The following LTBP1 variants were observed in gnomAD, a reference collection of about 807,000 sequenced individuals.
LTBP1 encodes the protein latent transforming growth factor beta binding protein 1, also known as latent-transforming growth factor beta-binding protein 1.
A neutral mutation model predicts 207.6 loss-of-function variants in LTBP1; 129 were observed. That is an observed-to-expected ratio of 0.62 (90% CI 0.54 to 0.72). LTBP1 has a LOEUF of 0.72. Among genes scored for constraint, LTBP1 ranks in the 30% least tolerant of loss-of-function variants. The probability of loss-of-function intolerance (pLI) is 0.00; values close to 1 mark genes in which losing one functional copy is unlikely to be tolerated. For missense variants in LTBP1, 2,281 were observed against 2,217.2 expected (o/e 1.03, Z -0.58); for synonymous variants, 963 against 833.7 (o/e 1.16, Z -2.67).
intron 5 of LTBP1, among the ~76,000 whole-genome samples, chr2:33,137,472 C>T (rs1026488093): frequency 1.3e-5 from 2 of 152,176 alleles, no homozygotes; most frequent in Non-Finnish European, 1.5e-5. Flanking sequence ...GTTTCTGTTA[C>T]AGCTACTCAA....
At chr2:33,360,483 T>C in intron 26 of LTBP1, 114 bp from the exon 27 acceptor site, 1 of 635,478 alleles carries the variant, frequency 1.6e-6, no homozygotes, top group South Asian at 2.4e-5. Context: ...AAGCATTTTC[T>C]ATAAAGCAAA....
At chr2:33,252,055 A>G (rs909391939) in intron 10 of LTBP1, among the ~76,000 whole-genome samples, 3 of 152,180 alleles carry the variant, frequency 2.0e-5, no homozygotes, top group Admixed American at 6.5e-5. Context: ...TGTTTTCCGA[A>G]GAGCTGAGCA....
chr2:33,037,174 TA>T (rs5830251), intron 3 of LTBP1, among the ~76,000 whole-genome samples: 37 of 151,988 alleles, frequency 2.4e-4, no homozygotes, highest in African/African-American at 7.2e-4. Flanking sequence ...GTCCCTCTCA[TA>T]AAAAAAATTA....
intron 21 of LTBP1, 150 bp downstream of exon 21, chr2:33,300,723 G>C: frequency 1.2e-6 from 1 of 803,338 alleles, no homozygotes; most frequent in Non-Finnish European, 1.8e-6. Flanking sequence ...CATAAGTTAG[G>C]AAAGTCAATA....
chr2:33,216,135 C>T (rs1193288206), intron 7 of LTBP1, among the ~76,000 whole-genome samples: 1 of 152,118 alleles, frequency 6.6e-6, no homozygotes, highest in Non-Finnish European at 1.5e-5. Context: ...GCAACGTGTA[C>T]TGTGTACTGG....
chr2:33,178,126 T>C (rs2086248071), intron 5 of LTBP1, among the ~76,000 whole-genome samples: 1 of 152,176 alleles, frequency 6.6e-6, no homozygotes, highest in Admixed American at 6.5e-5. Flanking sequence ...TTGAAGTCTT[T>C]TAAGATTGTT....
intron 31 of LTBP1, among the ~76,000 whole-genome samples, chr2:33,366,942 C>A (rs564497237): frequency 6.6e-6 from 1 of 152,236 alleles, no homozygotes; most frequent in Non-Finnish European, 1.5e-5. Context: ...CCAAAAATCA[C>A]ATGTATTCCT....
In LTBP1 at chr2:33,280,933, C is replaced by T. The variant is rs376851100; in HGVS notation, c.3112+775C>T. The stretch of plus-strand genomic sequence containing the variant: ...AACATTAAAAAACTTACCTGGGCTT[C>T]GTGGGGTGTGTGCCTGTAATCTCAG... On this transcript the variant is annotated intron_variant, in intron 19 of 33. Transcript: ENST00000404816. 8.5e-4 allele frequency among the ~76,000 whole-genome samples: 130 copies of T among 152,114 alleles called. 1 individual carries two copies. The Middle Eastern group carries it at 0.017, about 20-fold the overall frequency.
intron 2 of LTBP1, among the ~76,000 whole-genome samples, chr2:32,979,650 C>T (rs1274982642): frequency 6.6e-6 from 1 of 152,128 alleles, no homozygotes; most frequent in African/African-American, 2.4e-5. Context: ...AATGTATATT[C>T]TGTAGCCACT....
Position 33,262,733 on chromosome 2 carries a change from A to G in LTBP1, c.2430A>G (p.Ser810=), listed in dbSNP as rs767152011. 8.2e-6 allele frequency: 13 copies of G among 1,590,050 alleles called. No individual in the cohort carries two copies. The highest frequency in any genetic ancestry group is 6.9e-6 in the Non-Finnish European group (8 of 1,163,552). Residue 810 remains serine (S), a synonymous_variant, in exon 14 of 34, where the codon TCA becomes TCG. Transcript: ENST00000404816. ...ATAPPEKEIP[S]LDQEKTKLEP... is the part of the protein sequence containing the mutation. ...ATACAACCATCCAGGAAATACCTTC[A>G]TTGGATCAAGAGAAAACCAAACTTG...
chr2:32,985,137 T>C (rs1378830779), intron 2 of LTBP1, among the ~76,000 whole-genome samples: 1 of 152,162 alleles, frequency 6.6e-6, no homozygotes, highest in Non-Finnish European at 1.5e-5. Flanking sequence ...ATTAAAAACA[T>C]AGAAGGTCAA....
intron 5 of LTBP1, among the ~76,000 whole-genome samples, chr2:33,163,782 C>A (rs1301739275): frequency 6.6e-6 from 1 of 152,046 alleles, no homozygotes; most frequent in Non-Finnish European, 1.5e-5. Flanking sequence ...AATAAATTAA[C>A]CTACGTCAAA....
At chr2:33,257,718 A>G (rs1308290192) in intron 12 of LTBP1, among the ~76,000 whole-genome samples, 3 of 152,236 alleles carry the variant, frequency 2.0e-5, no homozygotes, top group African/African-American at 4.8e-5. Context: ...GTAGATAACA[A>G]TATTCCATGC....
At chr2:33,273,153 T>C (rs1383499746) in intron 15 of LTBP1, among the ~76,000 whole-genome samples, 1 of 152,094 alleles carries the variant, frequency 6.6e-6, no homozygotes, top group African/African-American at 2.4e-5. Context: ...GGGAGGTCTT[T>C]GGGGGGATTA....
intron 3 of LTBP1, among the ~76,000 whole-genome samples, chr2:33,109,972 A>G (rs2080296364): frequency 6.6e-6 from 1 of 152,218 alleles, no homozygotes; most frequent in Non-Finnish European, 1.5e-5. Context: ...TGCTTAACTA[A>G]TACAACATGG....
At chr2:32,980,197 C>T (rs989252349) in intron 2 of LTBP1, among the ~76,000 whole-genome samples, 1 of 152,040 alleles carries the variant, frequency 6.6e-6, no homozygotes, top group Non-Finnish European at 1.5e-5. Context: ...CTTACTCTTA[C>T]AATTTTGTTA....
At position 33,289,415 on chromosome 2, in the gene LTBP1, A is replaced by G. The variant is rs1573641710; in HGVS notation, c.3113-3745A>G. ...CAAGGTCTTGTCCAGGCTGGAGTAC[A>G]ACAGCATGATCACAGCTCACTGCAG... On this transcript the variant is annotated intron_variant, in intron 19 of 33. Transcript: ENST00000404816. Among the ~76,000 whole-genome samples the G allele has an allele frequency of 2.0e-5, 3 of 152,238 alleles. No homozygotes were observed. In the East Asian group the frequency reaches 5.8e-4, roughly 29 times the overall value.
intron 31 of LTBP1, among the ~76,000 whole-genome samples, chr2:33,379,233 A>AAT (rs2150359614): frequency 7.2e-6 from 1 of 139,710 alleles, no homozygotes; most frequent in East Asian, 2.1e-4. Flanking sequence ...TTTCCAAGAC[A>AAT]GAGTCTCATT....
intron 4 of LTBP1, among the ~76,000 whole-genome samples, chr2:33,133,934 ACCACATAGC>A (rs574656581): frequency 6.6e-6 from 1 of 152,250 alleles, no homozygotes; most frequent in South Asian, 2.1e-4. Flanking sequence ...ATTTTGTGAT[ACCACATAGC>A]CTCGGCTGTG....
Sources: allele counts gnomAD v4.1 joint callset (sites outside exome capture counted in the v4.1 genomes callset), GRCh38; gene constraint gnomAD v4.1.1; transcripts MANE v1.5; gene names NCBI Gene and HGNC (gene_info 2026-07-23, HGNC 2026-07-21).